ZNF503: variants seen among roughly 807,000 people sequenced by gnomAD.
ZNF503 encodes the protein zinc finger protein 503, also known as NocA-like zinc finger 2.
A neutral mutation model predicts 34.4 loss-of-function variants in ZNF503; 15 were observed. The observed-to-expected ratio is 0.44, with a 90% CI of 0.29 to 0.67. The LOEUF (loss-of-function observed/expected upper bound fraction) is 0.67, where lower values mean the gene tolerates loss of function less well. Among genes scored for constraint, ZNF503 ranks in the 30% least tolerant of loss-of-function variants. ZNF503 has a pLI of 0.13. For synonymous variants in ZNF503, 580 were observed against 456.8 expected (o/e 1.27, Z -3.44); for missense variants, 1,007 against 926.8 (o/e 1.09, Z -1.12).
At chr10:75,384,573 C>A in the ZNF503 span, among the ~76,000 whole-genome samples, 1 of 152,122 alleles carries the variant, frequency 6.6e-6, no homozygotes, top group African/African-American at 2.4e-5. Context: ...TCCCTTGCCA[C>A]ATCCTCACTC....
the ZNF503 span, among the ~76,000 whole-genome samples, chr10:75,284,425 G>A: frequency 3.3e-5 from 5 of 151,872 alleles, no homozygotes; most frequent in African/African-American, 1.2e-4. Flanking sequence ...GAAGGGTACT[G>A]GGTTGGGGGA....
At chr10:75,308,652 A>C in the ZNF503 span, among the ~76,000 whole-genome samples, 3 of 152,198 alleles carry the variant, frequency 2.0e-5, no homozygotes, top group Admixed American at 1.3e-4. Context: ...AGTTTGGAAG[A>C]AGTTGATTTC....
the ZNF503 span, among the ~76,000 whole-genome samples, chr10:75,353,014 G>C: frequency 1.6e-4 from 25 of 152,176 alleles, no homozygotes; most frequent in Non-Finnish European, 2.8e-4. Context: ...TGTGTCCCGA[G>C]GGGGGGCACC....
rs761662001 is a variant in ZNF503 at position 75,401,236 on chromosome 10, G to T, written c.184C>A (p.Pro62Thr). 1 of 1,607,760 alleles carries T rather than the reference G, an allele frequency of 6.2e-7. No individual in the cohort carries two copies. Residue 62 changes from proline to threonine, a missense_variant, in exon 1 of 2, where the codon CCC becomes ACC. Physicochemically the swap from Pro to Thr is conservative, Grantham distance 38. Transcript: ENST00000372524. ...TTGGCCTGGCGCAGGGGGTCAGAGGGGGGCACGGCGTGCACAAAAGGCTTG... is the reference window on the plus strand; with the variant it reads ...TTGGCCTGGCGCAGGGGGTCAGAGGTGGGCACGGCGTGCACAAAAGGCTTG... ...STKPFVHAVP[P>T]SDPLRQANRL...
the ZNF503 span, among the ~76,000 whole-genome samples, chr10:75,384,436 A>G: frequency 1.3e-5 from 2 of 152,136 alleles, no homozygotes; most frequent in African/African-American, 4.8e-5. Context: ...ATAGAGTGTC[A>G]CTTGGGCTTG....
chr10:75,346,006 G>A, the ZNF503 span, among the ~76,000 whole-genome samples: 1 of 152,232 alleles, frequency 6.6e-6, no homozygotes, highest in Non-Finnish European at 1.5e-5. Context: ...GTAACCTCTT[G>A]TGGCAGCTGA....
chr10:75,332,009 T>C, the ZNF503 span, among the ~76,000 whole-genome samples: 2 of 152,034 alleles, frequency 1.3e-5, no homozygotes, highest in Non-Finnish European at 2.9e-5. Flanking sequence ...TCTGTTTTTC[T>C]TGGAATATCT....
At chr10:75,400,939 C>T (rs1029292212) in intron 1 of ZNF503, 166 bp downstream of exon 1, 4 of 1,031,102 alleles carry the variant, frequency 3.9e-6, no homozygotes, top group Non-Finnish European at 4.2e-6. Context: ...CACTTCCTCC[C>T]CCTTTTCCGC....
At chr10:75,378,512 T>C in the ZNF503 span, among the ~76,000 whole-genome samples, 1 of 151,836 alleles carries the variant, frequency 6.6e-6, no homozygotes, top group African/African-American at 2.4e-5. Context: ...CATGACCCAC[T>C]CTCTCCTCCC....
At chr10:75,375,395 T>C in the ZNF503 span, among the ~76,000 whole-genome samples, 1 of 152,202 alleles carries the variant, frequency 6.6e-6, no homozygotes, top group East Asian at 1.9e-4. Flanking sequence ...TGCTGGGATT[T>C]ACAGGCATGA....
Position 75,400,010 on chromosome 10 carries a change from C to T in ZNF503, c.680G>A (p.Gly227Asp). Residue 227 changes from glycine to aspartate, a missense_variant, in exon 2 of 2, where the codon GGC becomes GAC. Physicochemically the swap from Gly to Asp is moderately conservative, Grantham distance 94. Transcript: ENST00000372524. ...GGCCGAGGCGCTGGAGCTCGGGCTG[C>T]CTGTCCTGGGCGTGAATGGCTGGCA... is the stretch of plus-strand genomic sequence containing the variant. Reference protein sequence around the residue: ...ATCQPFTPRTGSPSSSASACS... With the variant: ...ATCQPFTPRTDSPSSSASACS... 1 of 1,604,756 alleles carries T rather than the reference C, an allele frequency of 6.2e-7. No homozygotes were observed. Among genetic ancestry groups the T allele is most frequent in the South Asian group, 1.1e-5 (1 of 90,412 alleles).
At chr10:75,326,101 A>G in the ZNF503 span, among the ~76,000 whole-genome samples, 1 of 152,244 alleles carries the variant, frequency 6.6e-6, no homozygotes, top group Non-Finnish European at 1.5e-5. Context: ...AACATCAATT[A>G]CTTTTGCATC....
At chr10:75,343,184 G>A in the ZNF503 span, 2 of 152,240 alleles carry the variant, frequency 1.3e-5, no homozygotes, top group African/African-American at 2.4e-5. Flanking sequence ...AATGTATCCT[G>A]TTATCTGTTG....
At chr10:75,363,145 C>A in the ZNF503 span, among the ~76,000 whole-genome samples, 1 of 152,144 alleles carries the variant, frequency 6.6e-6, no homozygotes, top group African/African-American at 2.4e-5. Context: ...GCCAGTCCTG[C>A]CAGCTATGGA....
the ZNF503 span, among the ~76,000 whole-genome samples, chr10:75,340,215 C>A: frequency 3.3e-5 from 5 of 152,082 alleles, no homozygotes; most frequent in Admixed American, 1.3e-4. Flanking sequence ...CACTGCACTC[C>A]AGCCTGGGCA....
the ZNF503 span, among the ~76,000 whole-genome samples, chr10:75,363,999 G>A: frequency 1.3e-5 from 2 of 152,328 alleles, no homozygotes; most frequent in African/African-American, 2.4e-5. Context: ...GGGAGGGTTT[G>A]TCTTTAGGTG....
At chr10:75,325,084 A>T in the ZNF503 span, among the ~76,000 whole-genome samples, 1 of 152,180 alleles carries the variant, frequency 6.6e-6, no homozygotes, top group Non-Finnish European at 1.5e-5. Context: ...GAGTACACAT[A>T]TGCTTTTAAT....
chr10:75,396,323 C>T (rs1054232933), downstream of ZNF503, among the ~76,000 whole-genome samples: 3 of 152,148 alleles, frequency 2.0e-5, no homozygotes, highest in African/African-American at 7.2e-5. The surrounding 1 kb of genome is among the most constrained non-coding windows in gnomAD (Gnocchi z 4.4). Flanking sequence ...CCTGGGGTCT[C>T]GCGACGTCCG....
chr10:75,390,184 C>CT, the ZNF503 span, among the ~76,000 whole-genome samples: 35 of 146,916 alleles, frequency 2.4e-4, no homozygotes, highest in South Asian at 2.8e-3. Context: ...GGCATGATTT[C>CT]TTTTTTTTTT....
Sources: allele counts gnomAD v4.1 joint callset (sites outside exome capture counted in the v4.1 genomes callset), GRCh38; gene constraint gnomAD v4.1.1; non-coding constraint Gnocchi (gnomAD v3.1); transcripts MANE v1.5; gene names NCBI Gene and HGNC (gene_info 2026-07-23, HGNC 2026-07-21).